The following ZMYM3 variants were observed in gnomAD, a reference collection of about 807,000 sequenced individuals.
ZMYM3 encodes the protein zinc finger MYM-type protein 3.
ZMYM3 carries 6 observed loss-of-function variants against 94.2 expected under a neutral mutation model. That is an observed-to-expected ratio of 0.06 (90% confidence interval 0.03 to 0.13). ZMYM3 has a LOEUF of 0.13. Ranked by LOEUF, ZMYM3 falls within the 10% of genes least tolerant of loss-of-function variation. The probability of loss-of-function intolerance (pLI) is 1.00; values close to 1 mark genes in which losing one functional copy is unlikely to be tolerated. For missense variants in ZMYM3, 664 were observed against 1,132.6 expected, an observed-to-expected ratio of 0.59 and a Z score of 5.94; for synonymous variants, 420 against 426.5, an observed-to-expected ratio of 0.98 and a Z score of 0.19.
At chrX:71,244,675 G>C (rs2030085750) in intron 19 of ZMYM3, 115 bp downstream of exon 19, 9 of 798,463 alleles carry the variant, frequency 1.1e-5, no homozygotes, top group Non-Finnish European at 1.4e-5. Context: ...AGTACTTCTA[G>C]TGTTGGAGAA....
chrX:71,247,193 T>A, intron 13 of ZMYM3, 152 bp downstream of exon 13: 5 of 489,326 alleles, frequency 1.0e-5, no homozygotes, highest in Non-Finnish European at 1.6e-5. Flanking sequence ...ACCTGCAGGG[T>A]TCGGAAGCTA....
Position 71,249,557 on chromosome X carries a change from G to A in ZMYM3, c.1374C>T (p.Ile458=), listed in dbSNP as rs2030352213. The change falls in exon 7 of 25, where the codon ATC becomes ATT. Residue 458 remains isoleucine (I), a synonymous_variant. Transcript: ENST00000314425. ...GGCCAGGACTCCCGGTCTTGGTGTA[G>A]ATGTAAGCCCCACACTGGTCACAAC... ...TNCCDQCGAY[I]YTKTGSPGPE... is the part of the protein sequence containing the mutation. 2 of 1,210,363 alleles carry A rather than the reference G, an allele frequency of 1.7e-6. No individual in the cohort carries two copies. The highest frequency in any genetic ancestry group is 1.8e-5 in the South Asian group (1 of 56,524).
At position 71,246,468 on chromosome X, in the gene ZMYM3, T is replaced by TGGG; in HGVS notation, c.2456_2457insCCC (p.Pro824dup). On this transcript the variant is annotated inframe_insertion, in exon 15 of 25. Transcript: ENST00000314425. ...GGGGTGTTGCTGGGGGTGGTGGGGG[T>TGGG]GGAGGGGTGGGAGCAGTGGGAGCTG... 8.7e-6 allele frequency: 1 copy of TGGG among 115,359 alleles called. No individual in the cohort carries two copies. The highest frequency in any genetic ancestry group is 3.5e-4 in the Admixed American group (1 of 2,838). The allele number at this position is 115,359 out of a possible 1,213,427, so 9.5% of individuals were successfully genotyped here. A position where few individuals can be genotyped will look rare whatever the true frequency, so the allele number is the denominator to read the frequency against.
chrX:71,247,361 G>A lies in ZMYM3; in HGVS notation c.2298C>T (p.Pro766=), dbSNP rs998561699. 1.7e-6 allele frequency: 2 copies of A among 1,195,264 alleles called. No individual in the cohort carries two copies. Among genetic ancestry groups the A allele is most frequent in the African/African-American group, 1.7e-5 (1 of 57,475 alleles). The change falls in exon 13 of 25, where the codon CCC becomes CCT. Residue 766 remains proline, a synonymous_variant. Coordinates refer to ENST00000314425, the MANE Select transcript of ZMYM3 (RefSeq NM_201599.3). ...GGGACTCACTGTTCAGGAGGCTCTC[G>A]GGCCCACTCTGGGTATCCAGGTTGG... ...NQPNLDTQSG[P]ESLLNSQSPE...
At position 71,245,217 on chromosome X, in the gene ZMYM3, C is replaced by A; in HGVS notation, c.3007+122G>T. On this transcript the variant is annotated intron_variant, in intron 18 of 24. Transcript: ENST00000314425. The stretch of plus-strand genomic sequence containing the variant: ...TCTCTGGCACTGCTCCCTGTGAGAA[C>A]CTTCCGTCTTAGAATCACAATGAAC... The A allele has an allele frequency of 6.1e-6, 6 of 984,602 alleles. No homozygotes were observed. The South Asian group carries it at 7.3e-5, about 12-fold the overall frequency. The allele number at this position is 984,602 out of a possible 1,213,427, so 81.1% of individuals were successfully genotyped here.
chrX:71,251,522 G>A, intron 3 of ZMYM3, 36 bp downstream of exon 3: 1 of 1,173,599 alleles, frequency 8.5e-7, no homozygotes. Flanking sequence ...CAGAGCTAAG[G>A]GGGAACCAGA....
intron 1 of ZMYM3, among the ~76,000 whole-genome samples, chrX:71,253,738 C>T (rs1407207935): frequency 1.6e-5 from 1 of 62,299 alleles, no homozygotes; most frequent in African/African-American, 6.1e-5. Flanking sequence ...CCCCACCCCC[C>T]CTCCCCGCGT....
At chrX:71,244,978 C>T (rs150626789) in intron 18 of ZMYM3, 85 bp from the exon 19 acceptor site, 1 of 809,561 alleles carries the variant, frequency 1.2e-6, no homozygotes, top group African/African-American at 2.1e-5. Flanking sequence ...TACTTGCCCA[C>T]TTGACACTAG....
intron 23 of ZMYM3, among the ~76,000 whole-genome samples, chrX:71,241,692 C>A (rs1240083651): frequency 9.0e-6 from 1 of 111,705 alleles, no homozygotes; most frequent in East Asian, 2.8e-4. Flanking sequence ...ACAGCAATGA[C>A]CCCAACCCCT....
At chrX:71,249,290 G>A (rs1250616354) in intron 7 of ZMYM3, 121 bp from the exon 8 acceptor site, 1 of 1,160,445 alleles carries the variant, frequency 8.6e-7, no homozygotes. Flanking sequence ...ATGTAACAAA[G>A]ACCTGTGTAT....
At position 71,253,122 on chromosome X, in the gene ZMYM3, C is replaced by A. The variant is rs749760941; in HGVS notation, c.134G>T (p.Trp45Leu). 1 of 1,203,563 alleles carries A rather than the reference C, an allele frequency of 8.3e-7. No individual in the cohort carries two copies. Among genetic ancestry groups the A allele is most frequent in the Non-Finnish European group, 1.1e-6 (1 of 891,829 alleles). Residue 45 changes from tryptophan to leucine, a missense_variant, in exon 2 of 25, where the codon TGG (tryptophan) becomes TTG (leucine). Transcript: ENST00000314425. The part of the protein sequence containing the change: ...LESQTAPTRG[W>L]APPGPSPSSG... Reference sequence around the variant, plus strand: ...GGATGGAGAAGGGCCAGGGGGGGCCCATCCTCGAGTTGGGGCAGTCTGGGA... The same window carrying A: ...GGATGGAGAAGGGCCAGGGGGGGCCAATCCTCGAGTTGGGGCAGTCTGGGA...
At chrX:71,244,127 A>G (rs773547601) in intron 20 of ZMYM3, 147 bp from the exon 21 acceptor site, 1 of 973,543 alleles carries the variant, frequency 1.0e-6, no homozygotes, top group East Asian at 3.4e-5. Context: ...TGGAACCTAG[A>G]CAGCATTTCC....
intron 2 of ZMYM3, among the ~76,000 whole-genome samples, chrX:71,252,108 T>A (rs1486007195): frequency 3.6e-5 from 4 of 110,636 alleles, no homozygotes; most frequent in Non-Finnish European, 7.6e-5. Flanking sequence ...AGAGACGCAA[T>A]CCTAGACCCT....
In ZMYM3 at chrX:71,251,553, C is replaced by T; in HGVS notation, c.711+5G>A. ...CCAGACTCCTTCCAATCCCCTCCCC[C>T]TCACCCGTTCAGGCGGCTTCTCACT... On this transcript the variant is annotated splice_donor_5th_base_variant and intron_variant, in intron 3 of 24. Coordinates refer to ENST00000314425, the MANE Select transcript of ZMYM3 (RefSeq NM_201599.3). 2 of 1,190,263 alleles carry T rather than the reference C, an allele frequency of 1.7e-6. No individual in the cohort carries two copies. The highest frequency in any genetic ancestry group is 2.3e-6 in the Non-Finnish European group (2 of 884,721).
At chrX:71,249,940 G>A in intron 6 of ZMYM3, 86 bp downstream of exon 6, 3 of 1,098,132 alleles carry the variant, frequency 2.7e-6, no homozygotes, top group Non-Finnish European at 3.6e-6. Flanking sequence ...CCTTTCCACA[G>A]GGCCTGGACC....
At chrX:71,252,555 C>T (rs2030536040) in intron 2 of ZMYM3, 34 bp downstream of exon 2, 2 of 1,132,237 alleles carry the variant, frequency 1.8e-6, no homozygotes, top group African/African-American at 3.6e-5. Flanking sequence ...CACCCTCTCC[C>T]AGCCCTGATT....
chrX:71,242,825 C>T, intron 22 of ZMYM3, 145 bp downstream of exon 22: 1 of 536,569 alleles, frequency 1.9e-6, no homozygotes, highest in Admixed American at 3.8e-5. Context: ...GCTCCTTTAA[C>T]TCTAAACCCT....
chrX:71,241,945 G>A (rs1232171679), intron 23 of ZMYM3, among the ~76,000 whole-genome samples: 1 of 111,675 alleles, frequency 9.0e-6, no homozygotes, highest in Non-Finnish European at 1.9e-5. Context: ...TCTTAAATGA[G>A]GAAAGAGGGG....
chrX:71,247,645 G>T, intron 12 of ZMYM3, 89 bp downstream of exon 12: 1 of 1,146,642 alleles, frequency 8.7e-7, no homozygotes, highest in Non-Finnish European at 1.2e-6. Flanking sequence ...GCCCTCCCTG[G>T]AGATCTGTCC....
Sources: gnomAD v4.1 joint callset for allele counts (sites outside exome capture counted in the v4.1 genomes callset) on GRCh38, gnomAD v4.1.1 for gene constraint, MANE v1.5 for transcripts, NCBI Gene and HGNC (gene_info 2026-07-23, HGNC 2026-07-21) for gene names.